The following BMPR1A variants were observed in gnomAD, a reference collection of about 807,000 sequenced individuals.
BMPR1A encodes bone morphogenetic protein receptor type-1A.
A neutral mutation model predicts 66.0 loss-of-function variants in BMPR1A; 7 were observed. The observed-to-expected ratio is 0.11, with a 90% CI of 0.06 to 0.20. BMPR1A has a LOEUF of 0.20. Ranked by LOEUF, BMPR1A falls within the 10% of genes least tolerant of loss-of-function variation. The pLI is 1.00. For missense variants in BMPR1A, 408 were observed against 669.1 expected (o/e 0.61, Z 4.31); for synonymous variants, 200 against 229.7 (o/e 0.87, Z 1.17).
At chr10:86,814,974 CAG>C (rs1842016007) in intron 1 of BMPR1A, among the ~76,000 whole-genome samples, 1 of 152,068 alleles carries the variant, frequency 6.6e-6, no homozygotes, top group Non-Finnish European at 1.5e-5. Context: ...TTAGTAGAGA[CAG>C]GGTTTCACCA....
At chr10:86,868,778 G>GTTTTTTTTTTGT (rs1554886240) in intron 2 of BMPR1A, among the ~76,000 whole-genome samples, 2 of 141,046 alleles carry the variant, frequency 1.4e-5, no homozygotes, top group Admixed American at 7.0e-5. Flanking sequence ...CTTTTCCTGT[G>GTTTTTTTTTTGT]TTTTTTTTTT....
At chr10:86,835,545 G>T (rs1238801317) in intron 1 of BMPR1A, among the ~76,000 whole-genome samples, 3 of 32,142 alleles carry the variant, frequency 9.3e-5, no homozygotes, top group East Asian at 6.5e-4. Flanking sequence ...GCAAGACTCT[G>T]TATCAAAAAA....
intron 2 of BMPR1A, among the ~76,000 whole-genome samples, chr10:86,848,667 A>C (rs1421129670): frequency 6.6e-6 from 1 of 152,096 alleles, no homozygotes. Flanking sequence ...TTCTATTTTT[A>C]AACATTTTTC....
intron 5 of BMPR1A, among the ~76,000 whole-genome samples, chr10:86,897,825 C>G (rs904009295): frequency 2.0e-5 from 3 of 152,110 alleles, no homozygotes; most frequent in Non-Finnish European, 2.9e-5. Flanking sequence ...AGCCTGATCT[C>G]AGACTCCTCC....
At chr10:86,830,230 C>T (rs1317339496) in intron 1 of BMPR1A, among the ~76,000 whole-genome samples, 3 of 152,128 alleles carry the variant, frequency 2.0e-5, no homozygotes, top group Non-Finnish European at 4.4e-5. Flanking sequence ...TGGAGGGTGG[C>T]AGAAGAAGAA....
intron 2 of BMPR1A, among the ~76,000 whole-genome samples, chr10:86,857,932 A>C (rs1447159770): frequency 1.3e-5 from 2 of 151,946 alleles, no homozygotes; most frequent in Non-Finnish European, 2.9e-5. Context: ...TGCTGTTATT[A>C]CAGGCAGAAG....
At chr10:86,800,241 G>A (rs1841792089) in intron 1 of BMPR1A, among the ~76,000 whole-genome samples, 1 of 152,120 alleles carries the variant, frequency 6.6e-6, no homozygotes, top group South Asian at 2.1e-4. Context: ...GCCCTCAGTG[G>A]AGCTAAGTAG....
intron 1 of BMPR1A, among the ~76,000 whole-genome samples, chr10:86,767,258 C>T (rs532129529): frequency 6.6e-5 from 10 of 152,166 alleles, no homozygotes; most frequent in Admixed American, 6.5e-4. Flanking sequence ...ACTTGTTATA[C>T]GCTCCTTTGA....
chr10:86,759,009 A>G (rs1840983296), intron 1 of BMPR1A, among the ~76,000 whole-genome samples: 1 of 152,230 alleles, frequency 6.6e-6, no homozygotes, highest in Admixed American at 6.5e-5. Context: ...TTATTGAAAA[A>G]TAAAGTCTCT....
At chr10:86,923,302 AAAAGATGCT>A (rs1300316408) in intron 11 of BMPR1A, 65 bp from the exon 12 acceptor site, 12 of 1,593,572 alleles carry the variant, frequency 7.5e-6, no homozygotes, top group Non-Finnish European at 1.7e-6. Context: ...ATAGTTTAGC[AAAAGATGCT>A]TACTAGATTG....
intron 11 of BMPR1A, 101 bp downstream of exon 11, chr10:86,921,796 A>C: frequency 7.0e-7 from 1 of 1,429,146 alleles, no homozygotes; most frequent in Non-Finnish European, 9.8e-7. Flanking sequence ...TTGTGGGCAC[A>C]TAGTAGGTGT....
intron 2 of BMPR1A, among the ~76,000 whole-genome samples, chr10:86,864,579 T>C (rs1842756643): frequency 6.6e-6 from 1 of 152,104 alleles, no homozygotes; most frequent in Non-Finnish European, 1.5e-5. Flanking sequence ...AAATGAAGAG[T>C]GTTGTTTTTA....
chr10:86,831,767 TA>T lies in BMPR1A; in HGVS notation c.-267-7091del, dbSNP rs765700556. Among the ~76,000 whole-genome samples, 103 of 152,138 alleles carry T rather than the reference TA, an allele frequency of 6.8e-4. 1 individual carries two copies. In the Middle Eastern group the frequency reaches 0.014, roughly 20 times the overall value. ...TGACAGAGCAAGACCCTGTCTCAAA[TA>T]AAAAAATAGTGACACTAATCATCCT... On this transcript the variant is annotated intron_variant, in intron 1 of 12. Transcript: ENST00000372037.
At chr10:86,906,009 T>A (rs1843380944) in intron 7 of BMPR1A, among the ~76,000 whole-genome samples, 1 of 152,204 alleles carries the variant, frequency 6.6e-6, no homozygotes, top group Admixed American at 6.5e-5. Flanking sequence ...TTTCATTTGA[T>A]ACCATATTCC....
At chr10:86,899,952 C>A in intron 6 of BMPR1A, 62 bp downstream of exon 6, 1 of 1,609,770 alleles carries the variant, frequency 6.2e-7, no homozygotes, top group Non-Finnish European at 8.5e-7. Flanking sequence ...TTTACAGTAA[C>A]CAGGCTACCT....
chr10:86,831,816 C>T (rs1275367701), intron 1 of BMPR1A, among the ~76,000 whole-genome samples: 1 of 152,120 alleles, frequency 6.6e-6, no homozygotes, highest in East Asian at 1.9e-4. Context: ...TTTTTTGGTG[C>T]ATAGCTCATT....
chr10:86,863,010 C>T (rs1035784154), intron 2 of BMPR1A, among the ~76,000 whole-genome samples: 5 of 150,022 alleles, frequency 3.3e-5, no homozygotes, highest in Admixed American at 6.6e-5. Flanking sequence ...GAGACAGTCT[C>T]GCTTTGTCGC....
At chr10:86,915,158 C>T (rs1049772255) in intron 8 of BMPR1A, among the ~76,000 whole-genome samples, 4 of 152,116 alleles carry the variant, frequency 2.6e-5, no homozygotes, top group African/African-American at 9.7e-5. Flanking sequence ...TCCCAAGTAG[C>T]TGGGATTAAG....
At chr10:86,821,691 T>A (rs1357809240) in intron 1 of BMPR1A, among the ~76,000 whole-genome samples, 1 of 152,182 alleles carries the variant, frequency 6.6e-6, no homozygotes, top group Non-Finnish European at 1.5e-5. Context: ...AATATGATCA[T>A]GTTGTTACCT....
Sources: gnomAD v4.1 joint callset for allele counts (sites outside exome capture counted in the v4.1 genomes callset) on GRCh38, gnomAD v4.1.1 for gene constraint, MANE v1.5 for transcripts, NCBI Gene and HGNC (gene_info 2026-07-23, HGNC 2026-07-21) for gene names.